ARHGEF3: variants seen among roughly 807,000 people sequenced by gnomAD.
The protein encoded by ARHGEF3 is 59.8 kDA protein.
Under a neutral mutation model 63.2 loss-of-function variants are expected in ARHGEF3, and 28 were observed. That is an observed-to-expected ratio of 0.44 (90% confidence interval 0.33 to 0.61). The LOEUF is 0.61. Ranked by LOEUF, ARHGEF3 falls within the 20% of genes least tolerant of loss-of-function variation. The pLI is 0.03. For missense variants in ARHGEF3, 533 were observed against 659.3 expected, an observed-to-expected ratio of 0.81 and a Z score of 2.10; for synonymous variants, 266 against 254.2, an observed-to-expected ratio of 1.05 and a Z score of -0.44.
At chr3:57,045,772 T>G (rs765208696) in intron 1 of ARHGEF3, among the ~76,000 whole-genome samples, 1 of 152,186 alleles carries the variant, frequency 6.6e-6, no homozygotes, top group Non-Finnish European at 1.5e-5. Flanking sequence ...GTGGCAGACA[T>G]GCAAAATGGC....
At chr3:57,067,681 A>G (rs559161772) in intron 1 of ARHGEF3, among the ~76,000 whole-genome samples, 11 of 150,956 alleles carry the variant, frequency 7.3e-5, no homozygotes, top group African/African-American at 2.7e-4. Flanking sequence ...CAAAAAATTT[A>G]AAAAATTAGC....
intron 2 of ARHGEF3, among the ~76,000 whole-genome samples, chr3:56,995,625 G>C (rs1440588276): frequency 0.019 from 455 of 23,898 alleles, 5 homozygotes; most frequent in African/African-American, 0.037. Context: ...TTTTCCGAGA[G>C]AGAGAGAGAG....
intron 2 of ARHGEF3, among the ~76,000 whole-genome samples, chr3:56,984,215 C>T (rs1701446975): frequency 6.6e-6 from 1 of 152,216 alleles, no homozygotes; most frequent in Non-Finnish European, 1.5e-5. Flanking sequence ...CCCCTGCCCA[C>T]CACCCAGAGA....
intron 1 of ARHGEF3, 65 bp from the exon 2 acceptor site, chr3:56,773,881 T>C: frequency 7.6e-7 from 1 of 1,320,020 alleles, no homozygotes; most frequent in Admixed American, 2.3e-5. Context: ...CATAACTCCA[T>C]CATACAACTG....
At chr3:57,013,052 C>T (rs374418618) in intron 2 of ARHGEF3, among the ~76,000 whole-genome samples, 5 of 152,318 alleles carry the variant, frequency 3.3e-5, no homozygotes, top group South Asian at 2.1e-4. Flanking sequence ...CACTGCCGGC[C>T]GGCCTGCCTG....
chr3:56,850,434 C>A (rs2039638078), intron 4 of ARHGEF3, among the ~76,000 whole-genome samples: 1 of 152,200 alleles, frequency 6.6e-6, no homozygotes, highest in African/African-American at 2.4e-5. Context: ...GAGGCTGAGG[C>A]AGGAGAGTCA....
chr3:56,859,207 G>A (rs893876657), intron 4 of ARHGEF3, among the ~76,000 whole-genome samples: 3 of 151,802 alleles, frequency 2.0e-5, no homozygotes, highest in Non-Finnish European at 2.9e-5. Flanking sequence ...GTGTGATCTC[G>A]GCTCACTGCA....
intron 3 of ARHGEF3, among the ~76,000 whole-genome samples, chr3:56,950,718 T>C (rs1164254826): frequency 6.6e-6 from 1 of 152,056 alleles, no homozygotes; most frequent in East Asian, 1.9e-4. Context: ...GAAGTCAGTG[T>C]GGCGATTCCT....
chr3:56,738,877 G>A (rs1055910475), intron 7 of ARHGEF3, among the ~76,000 whole-genome samples: 1 of 152,194 alleles, frequency 6.6e-6, no homozygotes, highest in Admixed American at 6.5e-5. Flanking sequence ...TATCACTTGA[G>A]GTCAGGAGTT....
intron 1 of ARHGEF3, among the ~76,000 whole-genome samples, chr3:56,785,348 G>A (rs1471369612): frequency 6.6e-6 from 1 of 152,082 alleles, no homozygotes; most frequent in Non-Finnish European, 1.5e-5. Context: ...AAGGACCCAA[G>A]TCCTAATCTT....
intron 1 of ARHGEF3, chr3:57,074,609 G>A (rs1706123290): frequency 3.9e-6 from 1 of 258,344 alleles, no homozygotes; most frequent in South Asian, 9.0e-5. Context: ...TGCATCTCCT[G>A]ATCCCCGATC....
chr3:57,050,486 TAAAG>T (rs984921489), intron 1 of ARHGEF3, among the ~76,000 whole-genome samples: 2 of 149,626 alleles, frequency 1.3e-5, no homozygotes, highest in African/African-American at 2.5e-5. Context: ...GGGAGAAAGA[TAAAG>T]AAAGAGAGAA....
chr3:56,886,347 C>G (rs921121768), intron 3 of ARHGEF3, among the ~76,000 whole-genome samples: 9 of 152,162 alleles, frequency 5.9e-5, no homozygotes, highest in Admixed American at 2.0e-4. Flanking sequence ...CTTTGCTTGT[C>G]TTCTTCACTA....
intron 3 of ARHGEF3, among the ~76,000 whole-genome samples, chr3:56,931,611 T>C (rs1390948807): frequency 6.8e-6 from 1 of 146,132 alleles, no homozygotes; most frequent in African/African-American, 2.5e-5. Flanking sequence ...AAGCCACATA[T>C]CTTTTTCCTA....
intron 2 of ARHGEF3, among the ~76,000 whole-genome samples, chr3:56,968,236 AT>A (rs1484558541): frequency 9.3e-5 from 4 of 43,202 alleles, no homozygotes; most frequent in Non-Finnish European, 1.2e-4. Context: ...ATATATATAA[AT>A]ATATATATTA....
intron 2 of ARHGEF3, among the ~76,000 whole-genome samples, chr3:57,024,691 G>A (rs1363583066): frequency 2.6e-5 from 4 of 152,134 alleles, no homozygotes; most frequent in Admixed American, 6.5e-5. Flanking sequence ...GTTTCACCAC[G>A]TCAGCCAGGA....
rs114157981 is a variant in ARHGEF3 at position 57,031,678 on chromosome 3, G to A, written c.62+3410C>T. Among the ~76,000 whole-genome samples the A allele has an allele frequency of 3.0e-4, 46 of 152,268 alleles. 1 individual carries two copies. The South Asian group carries it at 6.4e-3, about 21-fold the overall frequency. Reference sequence around the variant, plus strand: ...CCACCAAATGAACAATCAATTAATCGTTCAATGGGCTAGTTTTCTGCAAGA... The same window carrying A: ...CCACCAAATGAACAATCAATTAATCATTCAATGGGCTAGTTTTCTGCAAGA... On this transcript the variant is annotated intron_variant, in intron 2 of 12. Coordinates refer to the ARHGEF3 transcript ENST00000338458.
At chr3:56,765,950 TAAAC>T (rs1031214210) in intron 2 of ARHGEF3, among the ~76,000 whole-genome samples, 1 of 150,906 alleles carries the variant, frequency 6.6e-6, no homozygotes, top group Non-Finnish European at 1.5e-5. Flanking sequence ...GAACACAAAA[TAAAC>T]AAAAGAACTG....
intron 3 of ARHGEF3, among the ~76,000 whole-genome samples, chr3:56,890,809 C>T (rs111553693): frequency 0.025 from 3,784 of 152,292 alleles, 161 homozygotes; most frequent in African/African-American, 0.085. Context: ...ATTTAATAAC[C>T]AGGTGACCAG....
Sources: allele counts gnomAD v4.1 joint callset (sites outside exome capture counted in the v4.1 genomes callset), GRCh38; gene constraint gnomAD v4.1.1; transcripts MANE v1.5; gene names NCBI Gene and HGNC (gene_info 2026-07-23, HGNC 2026-07-21).